Variants in HTD2 observed in about 807,000 individuals in gnomAD.
The protein encoded by HTD2 is hydroxyacyl-thioester dehydratase type 2.
HTD2 carries 1 observed loss-of-function variant against 3.1 expected under a neutral mutation model. The ratio of observed to expected loss-of-function variants is 0.32; its 90% CI spans 0.11 to 1.52. The LOEUF is 1.52. HTD2 is among the 40% of genes most tolerant of loss of function. The pLI is 0.39. For missense variants in HTD2, 150 were observed against 79.6 expected (o/e 1.88, Z -3.36); for synonymous variants, 50 against 28.9 (o/e 1.73, Z -2.34).
At chr3:58,314,124 G>A (rs1169582546) in intron 2 of HTD2, among the ~76,000 whole-genome samples, 2 of 152,232 alleles carry the variant, frequency 1.3e-5, no homozygotes, top group Non-Finnish European at 2.9e-5. Context: ...GCCGAGGTGG[G>A]TTGATTGCCT....
intron 1 of HTD2, among the ~76,000 whole-genome samples, chr3:58,308,922 G>A (rs118086750): frequency 6.6e-6 from 1 of 152,366 alleles, no homozygotes; most frequent in East Asian, 1.9e-4. Context: ...GAGCAAGGTT[G>A]GCATGGAGCC....
rs542707292 is a variant in HTD2, at chr3:58,314,409, A to G, written c.-330-2106A>G. On this transcript the variant is annotated intron_variant, in intron 2 of 4. Coordinates refer to ENST00000461393, the MANE Select transcript of HTD2 (RefSeq NM_001348712.2). ...TATCAGAACTCAACCAAACAATTCA[A>G]TTAGAAAATGGGCAAAAACATTAAC... Among the ~76,000 whole-genome samples the G allele has an allele frequency of 7.2e-5, 11 of 152,268 alleles. No homozygotes were observed. The South Asian group carries it at 2.1e-3, about 29-fold the overall frequency.
Position 58,317,001 on chromosome 3 carries a change from C to G in HTD2, c.-175+8C>G. 1 of 1,604,332 alleles carries G rather than the reference C, an allele frequency of 6.2e-7. No homozygotes were observed. Among genetic ancestry groups the G allele is most frequent in the Non-Finnish European group, 8.5e-7 (1 of 1,171,514 alleles). Reference sequence around the variant, plus strand: ...GCTTTCCGGGTGATTCAGGTAAAGACTATTCCCTCACATATTCCAAACAAG... The same window carrying G: ...GCTTTCCGGGTGATTCAGGTAAAGAGTATTCCCTCACATATTCCAAACAAG... On this transcript the variant is annotated splice_region_variant and intron_variant, in intron 4 of 4. Coordinates refer to ENST00000461393, the MANE Select transcript of HTD2 (RefSeq NM_001348712.2).
At chr3:58,313,924 T>G (rs2097485104) in intron 2 of HTD2, among the ~76,000 whole-genome samples, 1 of 152,268 alleles carries the variant, frequency 6.6e-6, no homozygotes, top group Non-Finnish European at 1.5e-5. Context: ...CAGTGGCTCA[T>G]GCCCGTAATC....
At position 58,309,429 on chromosome 3, in the gene HTD2, A is replaced by G. The variant is rs373769233; in HGVS notation, c.-415-1078A>G. ...GCTAAGGCATGTGAAATGTTTAGCA[A>G]AGAGCTGGGTGCTCATAAGGAAAAT... On this transcript the variant is annotated intron_variant, in intron 1 of 4. Coordinates refer to ENST00000461393, the MANE Select transcript of HTD2 (RefSeq NM_001348712.2). Among the ~76,000 whole-genome samples, 21 of 152,370 alleles carry G rather than the reference A, an allele frequency of 1.4e-4. 1 individual carries two copies. Among genetic ancestry groups the G allele is most frequent in the African/African-American group, 5.0e-4 (21 of 41,588 alleles).
At chr3:58,307,393 G>A (rs188704042) in intron 1 of HTD2, among the ~76,000 whole-genome samples, 197 of 152,292 alleles carry the variant, frequency 1.3e-3, no homozygotes, top group African/African-American at 4.5e-3. Context: ...ATTACTAATA[G>A]GTCAGATTAG....
At chr3:58,311,416 A>G (rs2097482128) in intron 2 of HTD2, among the ~76,000 whole-genome samples, 1 of 152,180 alleles carries the variant, frequency 6.6e-6, no homozygotes, top group African/African-American at 2.4e-5. Context: ...TGGGCTCCCA[A>G]AGTGCTGGAT....
At chr3:58,310,884 A>G (rs1356014737) in intron 2 of HTD2, among the ~76,000 whole-genome samples, 8 of 151,154 alleles carry the variant, frequency 5.3e-5, no homozygotes, top group African/African-American at 1.9e-4. Context: ...GAGCCGAGAT[A>G]ACGCCACTGC....
rs375349060 is a variant in HTD2 at position 58,310,425 on chromosome 3, G to T, written c.-415-82G>T. ...TCTGCCTGTAAGTTTAGTTTCCTAA[G>T]TTCTATTTTAGATTACTTTTCTAAC... On this transcript the variant is annotated intron_variant, in intron 1 of 4. Transcript: ENST00000461393. The T allele has an allele frequency of 7.4e-6, 12 of 1,612,174 alleles. No individual in the cohort carries two copies. In the East Asian group the frequency reaches 2.2e-4, roughly 30 times the overall value.
chr3:58,318,206 G>T lies in HTD2; in HGVS notation c.*86G>T, dbSNP rs1336544366. ...AATTGCTGCTCTTTACCAAAGAATG[G>T]TTGATAGGCCCAGAAGCCCATCTTA... On this transcript the variant is annotated 3_prime_UTR_variant, in exon 5 of 5. Coordinates refer to ENST00000461393, the MANE Select transcript of HTD2 (RefSeq NM_001348712.2). 6 of 598,220 alleles carry T rather than the reference G, an allele frequency of 1.0e-5. No individual in the cohort carries two copies. The highest frequency in any genetic ancestry group is 9.4e-5 in the Admixed American group (3 of 32,018). The allele number at this position is 598,220 out of a possible 1,614,324, so 37.1% of individuals were successfully genotyped here. A position where few individuals can be genotyped will look rare whatever the true frequency, so the allele number is the denominator to read the frequency against.
chr3:58,314,598 G>A (rs2097486197), intron 2 of HTD2, among the ~76,000 whole-genome samples: 1 of 149,186 alleles, frequency 6.7e-6, no homozygotes, highest in South Asian at 2.1e-4. Context: ...TAGCAAGAAT[G>A]CAAAGAAACT....
Position 58,317,493 on chromosome 3 carries a change from T to C in HTD2, c.-121T>C, listed in dbSNP as rs561343765. 3.2e-6 allele frequency: 5 copies of C among 1,578,756 alleles called. No homozygotes were observed. The Admixed American group carries it at 5.1e-5, about 16-fold the overall frequency. On this transcript the variant is annotated 5_prime_UTR_variant, in exon 5 of 5. Coordinates refer to ENST00000461393, the MANE Select transcript of HTD2 (RefSeq NM_001348712.2). ...GTAATAGTAGGGAACTAGTATTGGA[T>C]TGAATGAATAGTCTTCCATTTTGGA...
chr3:58,307,577 T>C (rs2097476858), intron 1 of HTD2, among the ~76,000 whole-genome samples: 1 of 152,130 alleles, frequency 6.6e-6, no homozygotes, highest in Middle Eastern at 3.2e-3. Flanking sequence ...AATACAAAAG[T>C]TAGCTGGGCG....
chr3:58,320,181 G>T lies in HTD2; in HGVS notation c.*2061G>T, dbSNP rs924104709. 3 of 151,850 alleles carry T rather than the reference G, an allele frequency of 2.0e-5. No individual in the cohort carries two copies. The highest frequency in any genetic ancestry group is 2.1e-4 in the South Asian group (1 of 4,832). 9.4% of individuals were successfully genotyped at this position (151,850 alleles called of 1,614,324 possible). On this transcript the variant is annotated 3_prime_UTR_variant, in exon 5 of 5. Transcript: ENST00000461393. ...TTTTATGGCTGAATAATATTCCATT[G>T]TATTTACCCATACATCAGTTGATAT... is the stretch of plus-strand genomic sequence containing the variant.
rs1298664766 is a variant in HTD2, at chr3:58,317,579, C to A, written c.-35C>A. 2 of 925,120 alleles carry A rather than the reference C, an allele frequency of 2.2e-6. No homozygotes were observed. The highest frequency in any genetic ancestry group is 1.7e-6 in the Non-Finnish European group (1 of 571,928). 57.3% of individuals were successfully genotyped at this position (925,120 alleles called of 1,614,324 possible). ...CTGCATGTTTGAAGACTGAAGCAGGCTAAAAGCTCTTGATGAAATTTGAGG... is the reference window on the plus strand; with the variant it reads ...CTGCATGTTTGAAGACTGAAGCAGGATAAAAGCTCTTGATGAAATTTGAGG... On this transcript the variant is annotated 5_prime_UTR_variant, in exon 5 of 5. Coordinates refer to ENST00000461393, the MANE Select transcript of HTD2 (RefSeq NM_001348712.2).
At chr3:58,306,770 CTG>C (rs1310193508) in intron 1 of HTD2, 119 bp downstream of exon 1, 1 of 152,018 alleles carries the variant, frequency 6.6e-6, no homozygotes, top group African/African-American at 2.4e-5. Flanking sequence ...CGCACGCCCA[CTG>C]TGCACGACCC....
At chr3:58,310,481 A>T (rs28502788) in intron 1 of HTD2, 26 bp from the exon 2 acceptor site, 142,450 of 1,543,936 alleles carry the variant, frequency 0.092, 7,291 homozygotes, top group African/African-American at 0.27. Context: ...ATTTAATATG[A>T]CTTTTTTTTT....
At chr3:58,315,270 A>C (rs549282026) in intron 2 of HTD2, among the ~76,000 whole-genome samples, 1 of 152,246 alleles carries the variant, frequency 6.6e-6, no homozygotes, top group East Asian at 1.9e-4. Flanking sequence ...ATGCTGAGCG[A>C]AAAAAAGCCA....
rs1378299305 is a variant in HTD2 at position 58,319,971 on chromosome 3, A to C, written c.*1851A>C. 1 of 152,168 alleles carries C rather than the reference A, an allele frequency of 6.6e-6. No individual in the cohort carries two copies. The highest frequency in any genetic ancestry group is 1.5e-5 in the Non-Finnish European group (1 of 68,040). The allele number at this position is 152,168 out of a possible 1,614,324, so 9.4% of individuals were successfully genotyped here. A position where few individuals can be genotyped will look rare whatever the true frequency, so the allele number is the denominator to read the frequency against. On this transcript the variant is annotated 3_prime_UTR_variant, in exon 5 of 5. Coordinates refer to ENST00000461393, the MANE Select transcript of HTD2 (RefSeq NM_001348712.2). Reference sequence around the variant, plus strand: ...ACCCCCAAAAGAACCTCCCATTAGCAGTCAATCCATTTCTCTCCTCCAGTC... The same window carrying C: ...ACCCCCAAAAGAACCTCCCATTAGCCGTCAATCCATTTCTCTCCTCCAGTC...
Sources: gnomAD v4.1 joint callset for allele counts (sites outside exome capture counted in the v4.1 genomes callset) on GRCh38, gnomAD v4.1.1 for gene constraint, MANE v1.5 for transcripts, NCBI Gene and HGNC (gene_info 2026-07-23, HGNC 2026-07-21) for gene names.